The following ARHGAP32 variants were observed in gnomAD, a reference collection of about 807,000 sequenced individuals.
ARHGAP32 encodes Rho GTPase activating protein 32, also known as rho GTPase-activating protein 32.
In ARHGAP32, 51 loss-of-function variants were observed where a neutral mutation model predicts 186.5. The observed-to-expected ratio is 0.27, with a 90% CI of 0.22 to 0.35. The LOEUF is 0.35. Among genes scored for constraint, ARHGAP32 ranks in the 10% least tolerant of loss-of-function variants. The probability of loss-of-function intolerance (pLI) is 1.00; values close to 1 mark genes in which losing one functional copy is unlikely to be tolerated. For missense variants in ARHGAP32, 2,186 were observed against 2,623.5 expected (o/e 0.83, Z 3.64); for synonymous variants, 950 against 964.3 (o/e 0.99, Z 0.27).
Position 129,164,425 on chromosome 11 carries a change from T to C in ARHGAP32, c.119A>G (p.Lys40Arg), listed in dbSNP as rs1379888119. ...EEEEREEKFR[K>R]MKSSVHSEED... Reference sequence around the variant, plus strand: ...TTCAGAATGTACTGAGGACTTCATCTTCCTAGAGATCAAAACACGAAAGAT... The same window carrying C: ...TTCAGAATGTACTGAGGACTTCATCCTCCTAGAGATCAAAACACGAAAGAT... Residue 40 changes from lysine to arginine, a missense_variant and splice_region_variant, in exon 2 of 23, where the codon AAG becomes AGG. This residue lies in a region of ARHGAP32 where 108 missense variants were observed against 116.8 expected (regional missense o/e 0.92). Coordinates refer to ENST00000682385, the MANE Select transcript of ARHGAP32 (RefSeq NM_001378024.1). 3.3e-6 allele frequency: 5 copies of C among 1,508,426 alleles called. No homozygotes were observed. The highest frequency in any genetic ancestry group is 4.5e-6 in the Non-Finnish European group (5 of 1,114,630). 93.4% of individuals were successfully genotyped at this position (1,508,426 alleles called of 1,614,324 possible).
In ARHGAP32 at chr11:129,250,872, TCA is replaced by T. The variant is rs534362227; in HGVS notation, c.-5+28272_-5+28273del. Among the ~76,000 whole-genome samples, 209 of 152,296 alleles carry T rather than the reference TCA, an allele frequency of 1.4e-3. 2 individuals carry two copies. The highest frequency in any genetic ancestry group is 3.4e-3 in the Middle Eastern group (1 of 294). The stretch of plus-strand genomic sequence containing the variant: ...TTAACTAGCTTACATATGTCATACC[TCA>T]CACTTAATCTTCGTAGAAATCACAC... On this transcript the variant is annotated intron_variant, in intron 1 of 6. Coordinates refer to the ARHGAP32 transcript ENST00000525234.
chr11:129,151,899 A>G lies in ARHGAP32; in HGVS notation c.225+12420T>C, dbSNP rs151002252. ...TGAACTAAATGAAGTGGAAACAACA[A>G]CAACAAAACCACACAAAAGATAAAT... On this transcript the variant is annotated intron_variant, in intron 2 of 22. Transcript: ENST00000682385. 7.7e-3 allele frequency among the ~76,000 whole-genome samples: 1,170 copies of G among 152,240 alleles called. 15 individuals carry two copies. Among genetic ancestry groups the G allele is most frequent in the African/African-American group, 0.027 (1,102 of 41,564 alleles).
chr11:129,014,984 C>T (rs991464497), intron 11 of ARHGAP32, among the ~76,000 whole-genome samples: 3 of 151,968 alleles, frequency 2.0e-5, no homozygotes, highest in Non-Finnish European at 2.9e-5. Context: ...ATTTAAAGCA[C>T]GACAATATAT....
At position 128,966,397 on chromosome 11, in the gene ARHGAP32, A is replaced by G. The variant is rs569660463; in HGVS notation, c.*2510T>C. 6.6e-6 allele frequency: 1 copy of G among 152,348 alleles called. No individual in the cohort carries two copies. Among genetic ancestry groups the G allele is most frequent in the East Asian group, 1.9e-4 (1 of 5,186 alleles). The allele number at this position is 152,348 out of a possible 1,614,324, so 9.4% of individuals were successfully genotyped here. A position where few individuals can be genotyped will look rare whatever the true frequency, so the allele number is the denominator to read the frequency against. Reference sequence around the variant, plus strand: ...TGCCATCCGGTTTCCACCCCACAACATTAGAAAGGGAAAGATGCCGGAAAA... The same window carrying G: ...TGCCATCCGGTTTCCACCCCACAACGTTAGAAAGGGAAAGATGCCGGAAAA... On this transcript the variant is annotated 3_prime_UTR_variant, in exon 23 of 23. Coordinates refer to ENST00000682385, the MANE Select transcript of ARHGAP32 (RefSeq NM_001378024.1).
chr11:129,266,895 CCT>C (rs769771153), intron 1 of ARHGAP32, among the ~76,000 whole-genome samples: 23 of 152,284 alleles, frequency 1.5e-4, no homozygotes, highest in South Asian at 4.1e-4. Flanking sequence ...AGGCCTCTCC[CCT>C]GAGTCAGTTC....
chr11:129,052,351 G>A (rs964347826), intron 10 of ARHGAP32, among the ~76,000 whole-genome samples: 4 of 152,110 alleles, frequency 2.6e-5, no homozygotes, highest in African/African-American at 9.7e-5. Context: ...CTCCAACTTT[G>A]TTCTTTTTCA....
At chr11:129,259,665 A>T (rs1345378356) in intron 1 of ARHGAP32, among the ~76,000 whole-genome samples, 1 of 152,140 alleles carries the variant, frequency 6.6e-6, no homozygotes, top group Non-Finnish European at 1.5e-5. Context: ...ATAAGAACAT[A>T]ATAAGAACTG....
intron 11 of ARHGAP32, among the ~76,000 whole-genome samples, chr11:129,017,183 T>C (rs916787810): frequency 4.6e-5 from 7 of 152,090 alleles, no homozygotes; most frequent in South Asian, 2.1e-4. Flanking sequence ...AGGCCAGGCA[T>C]GGTGGCTCAT....
At chr11:129,113,425 C>A (rs1942280780) in intron 5 of ARHGAP32, among the ~76,000 whole-genome samples, 1 of 151,970 alleles carries the variant, frequency 6.6e-6, no homozygotes, top group South Asian at 2.1e-4. Context: ...GGAATCGCAC[C>A]ATGTTCAGTC....
intron 2 of ARHGAP32, among the ~76,000 whole-genome samples, chr11:129,133,703 A>G (rs115622965): frequency 1.1e-3 from 161 of 152,340 alleles, no homozygotes; most frequent in African/African-American, 3.6e-3. Flanking sequence ...ACATACTAAG[A>G]TAAGAGAAAA....
intron 1 of ARHGAP32, among the ~76,000 whole-genome samples, chr11:129,177,594 C>G (rs901411915): frequency 1.3e-5 from 2 of 152,158 alleles, no homozygotes; most frequent in Non-Finnish European, 2.9e-5. Flanking sequence ...CCACCATGAT[C>G]AAGTGGGCTT....
At chr11:129,180,247 T>G (rs1055957458) in intron 1 of ARHGAP32, among the ~76,000 whole-genome samples, 1 of 152,116 alleles carries the variant, frequency 6.6e-6, no homozygotes, top group African/African-American at 2.4e-5. Context: ...GCAACAGAAG[T>G]CAGACATTAG....
chr11:129,188,719 C>T (rs1176884629), intron 1 of ARHGAP32, among the ~76,000 whole-genome samples: 1 of 152,148 alleles, frequency 6.6e-6, no homozygotes, highest in African/African-American at 2.4e-5. Context: ...AATATGTTCA[C>T]CAAATCATCC....
At position 128,974,840 on chromosome 11, in the gene ARHGAP32, A is replaced by G; in HGVS notation, c.2357T>C (p.Leu786Pro). 1 of 1,614,138 alleles carries G rather than the reference A, an allele frequency of 6.2e-7. No homozygotes were observed. The highest frequency in any genetic ancestry group is 8.5e-7 in the Non-Finnish European group (1 of 1,180,016). ...EEGGLLHIPA[L>P]MSPHSAEDVD... ...ATCCTCAGCTGAATGAGGAGACATA[A>G]GGGCTGGGATATGAAGCAGCCCTCC... Residue 786 changes from leucine (L) to proline (P), a missense_variant, in exon 21 of 23, where the codon CTT (leucine) becomes CCT (proline). By Grantham distance (98) the Leu-to-Pro change is moderately conservative. Coordinates refer to ENST00000682385, the MANE Select transcript of ARHGAP32 (RefSeq NM_001378024.1).
chr11:129,028,674 T>C (rs571043731), intron 11 of ARHGAP32, among the ~76,000 whole-genome samples: 4 of 152,336 alleles, frequency 2.6e-5, no homozygotes, highest in South Asian at 2.1e-4. Context: ...TTGTCACTTA[T>C]GAAGAAAGTA....
At chr11:129,075,396 G>C (rs956528035) in intron 6 of ARHGAP32, among the ~76,000 whole-genome samples, 2 of 152,044 alleles carry the variant, frequency 1.3e-5, no homozygotes. Context: ...GGATAAATGG[G>C]GCACTCAGTA....
intron 11 of ARHGAP32, among the ~76,000 whole-genome samples, chr11:129,006,936 A>G (rs1301410938): frequency 6.6e-6 from 1 of 151,864 alleles, no homozygotes; most frequent in Admixed American, 6.6e-5. Flanking sequence ...TGGCACTCAA[A>G]CCATGAGACA....
rs1032595407 is a variant in ARHGAP32, at chr11:129,177,056, A to G, written c.117-12629T>C. 1.2e-3 allele frequency among the ~76,000 whole-genome samples: 184 copies of G among 150,700 alleles called. 2 individuals carry two copies. The highest frequency in any genetic ancestry group is 3.4e-3 in the Middle Eastern group (1 of 294). Reference sequence around the variant, plus strand: ...GACCGCTAGCAAGACTAATAAAGAAAAAAAGAGAGAAGAATCAAATAGACG... The same window carrying G: ...GACCGCTAGCAAGACTAATAAAGAAGAAAAGAGAGAAGAATCAAATAGACG... On this transcript the variant is annotated intron_variant, in intron 1 of 22. Coordinates refer to ENST00000682385, the MANE Select transcript of ARHGAP32 (RefSeq NM_001378024.1).
At chr11:129,054,749 C>T (rs1281672204) in intron 10 of ARHGAP32, among the ~76,000 whole-genome samples, 1 of 152,078 alleles carries the variant, frequency 6.6e-6, no homozygotes, top group African/African-American at 2.4e-5. Context: ...TGAAATACCT[C>T]AGACAACAAA....
Sources: allele counts gnomAD v4.1 joint callset (sites outside exome capture counted in the v4.1 genomes callset), GRCh38; gene constraint gnomAD v4.1.1; regional missense constraint gnomAD v4.1.1; transcripts MANE v1.5; gene names NCBI Gene and HGNC (gene_info 2026-07-23, HGNC 2026-07-21).